The following ITPR1 variants were observed in gnomAD, a reference collection of about 807,000 sequenced individuals.
The protein encoded by ITPR1 is inositol 1,4,5-trisphosphate receptor type 1.
ITPR1 carries 96 observed loss-of-function variants against 318.4 expected under a neutral mutation model. That is an observed-to-expected ratio of 0.30 (90% CI 0.26 to 0.36). The LOEUF is 0.36. ITPR1 is among the 10% of genes least tolerant of loss of function. ITPR1 has a pLI of 1.00. For synonymous variants in ITPR1, 1,312 were observed against 1,289.9 expected, an observed-to-expected ratio of 1.02 and a Z score of -0.37; for missense variants, 2,440 against 3,460.2, an observed-to-expected ratio of 0.71 and a Z score of 7.40.
chr3:4,620,984 T>G (rs538696634), intron 4 of ITPR1, among the ~76,000 whole-genome samples: 6 of 152,144 alleles, frequency 3.9e-5, no homozygotes, highest in East Asian at 3.9e-4. Flanking sequence ...TACTAGTTGA[T>G]GGACAGCCTA....
Position 4,523,820 on chromosome 3 carries a change from A to G in ITPR1, c.163+2726A>G, listed in dbSNP as rs115667636. On this transcript the variant is annotated intron_variant, in intron 4 of 61. Coordinates refer to ENST00000649015, the MANE Select transcript of ITPR1 (RefSeq NM_001378452.1). ...TATAGCAGGGGAAGTCGGAGGAGAC[A>G]TGTTTTTCTGGCACGACTGTAAAGG... 6.2e-3 allele frequency among the ~76,000 whole-genome samples: 948 copies of G among 152,306 alleles called. 7 individuals are homozygous for G. The highest frequency in any genetic ancestry group is 0.022 in the African/African-American group (912 of 41,556).
At position 4,514,848 on chromosome 3, in the gene ITPR1, G is replaced by A. The variant is rs77683354; in HGVS notation, c.-16-1628G>A. On this transcript the variant is annotated intron_variant, in intron 2 of 61. Coordinates refer to ENST00000649015, the MANE Select transcript of ITPR1 (RefSeq NM_001378452.1). ...CCCCTTGATGTTTTCCATTTGTGCC[G>A]CCTTTCTGGATGCTGTTTAAAACAT... Among the ~76,000 whole-genome samples the A allele has an allele frequency of 9.5e-4, 145 of 152,292 alleles. 3 individuals are homozygous for A. In the East Asian group the frequency reaches 0.027, roughly 28 times the overall value.
At chr3:4,776,390 A>T (rs1575206241) in intron 47 of ITPR1, among the ~76,000 whole-genome samples, 1 of 152,092 alleles carries the variant, frequency 6.6e-6, no homozygotes, top group African/African-American at 2.4e-5. Context: ...TTTAATACCA[A>T]ATTATAGCTT....
chr3:4,773,379 G>A (rs1265117478), intron 46 of ITPR1, among the ~76,000 whole-genome samples: 1 of 152,246 alleles, frequency 6.6e-6, no homozygotes, highest in African/African-American at 2.4e-5. Context: ...TTCATTGGGA[G>A]TGGTAACAGA....
intron 14 of ITPR1, among the ~76,000 whole-genome samples, chr3:4,661,501 C>T (rs2093832047): frequency 6.6e-6 from 1 of 152,170 alleles, no homozygotes; most frequent in East Asian, 1.9e-4. Flanking sequence ...AATGTTCTCT[C>T]CAGCCCCTTT....
At chr3:4,602,987 G>T (rs1381142222) in intron 4 of ITPR1, among the ~76,000 whole-genome samples, 3 of 152,044 alleles carry the variant, frequency 2.0e-5, no homozygotes, top group African/African-American at 7.2e-5. Flanking sequence ...AATTTTGTTG[G>T]ATGTGAACAA....
At chr3:4,684,020 A>G (rs1331438995) in intron 28 of ITPR1, among the ~76,000 whole-genome samples, 2 of 152,218 alleles carry the variant, frequency 1.3e-5, no homozygotes, top group East Asian at 3.8e-4. Context: ...AGAGACTGCG[A>G]TATTGAGTGA....
chr3:4,709,608 G>A (rs1468284077), intron 37 of ITPR1, among the ~76,000 whole-genome samples: 1 of 152,178 alleles, frequency 6.6e-6, no homozygotes, highest in Non-Finnish European at 1.5e-5. Flanking sequence ...TTTCTCATCT[G>A]TTTTCTATCA....
At chr3:4,827,703 G>A (rs775020799) in intron 60 of ITPR1, among the ~76,000 whole-genome samples, 18 of 152,252 alleles carry the variant, frequency 1.2e-4, no homozygotes, top group Middle Eastern at 3.4e-3. Flanking sequence ...TTCAGAGTGC[G>A]GATAGGAGTT....
At chr3:4,828,489 C>T (rs888576534) in intron 60 of ITPR1, among the ~76,000 whole-genome samples, 9 of 152,222 alleles carry the variant, frequency 5.9e-5, no homozygotes, top group Middle Eastern at 3.4e-3. Context: ...CACGGGTGGC[C>T]GGCCCCACCT....
intron 44 of ITPR1, among the ~76,000 whole-genome samples, chr3:4,737,008 G>T (rs2043321788): frequency 1.3e-5 from 2 of 152,202 alleles, no homozygotes; most frequent in Non-Finnish European, 2.9e-5. Context: ...TCAGGTTGAA[G>T]ACCTGGCCAT....
chr3:4,706,626 A>G (rs1312922628), intron 37 of ITPR1, among the ~76,000 whole-genome samples: 1 of 152,240 alleles, frequency 6.6e-6, no homozygotes. Flanking sequence ...AGAAGGAAGT[A>G]TTGAAGTATT....
chr3:4,505,266 C>G (rs1487479033), intron 2 of ITPR1, among the ~76,000 whole-genome samples: 1 of 152,156 alleles, frequency 6.6e-6, no homozygotes, highest in Non-Finnish European at 1.5e-5. Context: ...GATCTCAGCC[C>G]ACTGCAACCT....
chr3:4,667,297 A>G (rs1436279933), intron 17 of ITPR1, 80 bp from the exon 18 acceptor site: 3 of 1,118,736 alleles, frequency 2.7e-6, no homozygotes, highest in African/African-American at 1.6e-5. Flanking sequence ...ATCAGGAAAC[A>G]TTGCTGCTTT....
chr3:4,699,921 G>C lies in ITPR1; in HGVS notation c.4516G>C (p.Asp1506His). 6.2e-7 allele frequency: 1 copy of C among 1,613,820 alleles called. No homozygotes were observed. The highest frequency in any genetic ancestry group is 8.5e-7 in the Non-Finnish European group (1 of 1,179,756). The change falls in exon 35 of 62, where the codon GAC becomes CAC. Residue 1506 changes from aspartate to histidine, a missense_variant. Coordinates refer to ENST00000649015, the MANE Select transcript of ITPR1 (RefSeq NM_001378452.1). ...VTTFFSSPFS[D>H]QSTTLQTRQP... is the part of the protein sequence containing the mutation. The stretch of plus-strand genomic sequence containing the variant: ...TACTTTCTTCAGCTCTCCCTTCTCA[G>C]ACCAGAGTACGACTTTGCAGGTAAG...
At chr3:4,533,862 T>C (rs2083626424) in intron 4 of ITPR1, among the ~76,000 whole-genome samples, 1 of 152,224 alleles carries the variant, frequency 6.6e-6, no homozygotes, top group Non-Finnish European at 1.5e-5. Flanking sequence ...TCCTGCCTTC[T>C]GTATAGAATT....
At chr3:4,649,085 G>C (rs1353215088) in intron 10 of ITPR1, among the ~76,000 whole-genome samples, 1 of 151,546 alleles carries the variant, frequency 6.6e-6, no homozygotes, top group Non-Finnish European at 1.5e-5. Context: ...TTTGGATACT[G>C]GTACAAAAAA....
chr3:4,600,341 G>A (rs968712589), intron 4 of ITPR1, among the ~76,000 whole-genome samples: 2 of 152,032 alleles, frequency 1.3e-5, no homozygotes, highest in African/African-American at 2.4e-5. Flanking sequence ...TTCTGTGGTC[G>A]TGTATTGATT....
chr3:4,555,695 A>C (rs1032542017), intron 4 of ITPR1, among the ~76,000 whole-genome samples: 1 of 152,206 alleles, frequency 6.6e-6, no homozygotes, highest in South Asian at 2.1e-4. Context: ...GTAATCAGCC[A>C]TTCTCTGAGT....
Sources: gnomAD v4.1 joint callset for allele counts (sites outside exome capture counted in the v4.1 genomes callset) on GRCh38, gnomAD v4.1.1 for gene constraint, MANE v1.5 for transcripts, NCBI Gene and HGNC (gene_info 2026-07-23, HGNC 2026-07-21) for gene names.